Variants in GAPVD1 observed in about 807,000 individuals in gnomAD.
GAPVD1 encodes the protein GTPase activating protein and VPS9 domains 1, also known as GTPase-activating protein and VPS9 domain-containing protein 1.
GAPVD1 carries 35 observed loss-of-function variants against 155.5 expected under a neutral mutation model. That is an observed-to-expected ratio of 0.23 (90% CI 0.17 to 0.30). The LOEUF is 0.30. Ranked by LOEUF, GAPVD1 falls within the 10% of genes least tolerant of loss-of-function variation. The pLI, the probability that GAPVD1 is intolerant of heterozygous loss-of-function variation, is 1.00. For missense variants in GAPVD1, 1,429 were observed against 1,775.7 expected, an observed-to-expected ratio of 0.80 and a Z score of 3.51; for synonymous variants, 636 against 619.7, an observed-to-expected ratio of 1.03 and a Z score of -0.39.
intron 8 of GAPVD1, chr9:125,308,238 TG>T (rs1484215618): frequency 1.1e-5 from 3 of 269,800 alleles, no homozygotes; most frequent in Non-Finnish European, 2.1e-5. Flanking sequence ...CCCTGCTACT[TG>T]GGAGGCTGAG....
intron 17 of GAPVD1, among the ~76,000 whole-genome samples, chr9:125,340,337 A>G (rs1847673878): frequency 6.6e-6 from 1 of 152,214 alleles, no homozygotes; most frequent in Admixed American, 6.5e-5. Flanking sequence ...TCATGTGTTA[A>G]TGATAACTTA....
At position 125,337,509 on chromosome 9, in the gene GAPVD1, C is replaced by T; in HGVS notation, c.2795C>T (p.Ala932Val). ...AATGAAGAGCGAGAACTCCCTCCAGCTGCAGCCATTGGTGCTACTTCTTTG... is the reference window on the plus strand; with the variant it reads ...AATGAAGAGCGAGAACTCCCTCCAGTTGCAGCCATTGGTGCTACTTCTTTG... ...PGNEERELPP[A>V]AAIGATSLVA... The change falls in exon 17 of 28, where the codon GCT becomes GTT. Residue 932 changes from alanine (A) to valine (V), a missense_variant. By Grantham distance (64) the Ala-to-Val change is moderately conservative. Transcript: ENST00000297933. The T allele has an allele frequency of 6.2e-7, 1 of 1,614,106 alleles. No individual in the cohort carries two copies. The highest frequency in any genetic ancestry group is 8.5e-7 in the Non-Finnish European group (1 of 1,179,946).
At chr9:125,272,860 G>T (rs1430996529) in intron 2 of GAPVD1, among the ~76,000 whole-genome samples, 1 of 152,126 alleles carries the variant, frequency 6.6e-6, no homozygotes, top group Non-Finnish European at 1.5e-5. Flanking sequence ...TGGACTCTTG[G>T]ATCTTGAAAC....
intron 2 of GAPVD1, among the ~76,000 whole-genome samples, chr9:125,292,233 C>T (rs905880889): frequency 1.3e-5 from 2 of 152,086 alleles, no homozygotes; most frequent in Admixed American, 6.6e-5. Context: ...GACCCTGTCT[C>T]AGCAAACAAA....
At chr9:125,311,552 C>T (rs1465890208) in intron 8 of GAPVD1, among the ~76,000 whole-genome samples, 1 of 152,046 alleles carries the variant, frequency 6.6e-6, no homozygotes, top group African/African-American at 2.4e-5. Context: ...ACCCAGGAGG[C>T]GGTGATCGCA....
In GAPVD1 at chr9:125,350,793, C is replaced by A; in HGVS notation, c.3490C>A (p.Gln1164Lys). The stretch of plus-strand genomic sequence containing the variant: ...AGATAAGAATCTAATGGCTCAACTT[C>A]AAGAAACAATGCGCTGTGTGTGCCG... ...LQDKNLMAQL[Q>K]ETMRCVCRFD... is the part of the protein sequence containing the mutation. The change falls in exon 23 of 28, where the codon CAA becomes AAA. Residue 1164 changes from glutamine to lysine, a missense_variant. Gln to Lys is a moderately conservative substitution (Grantham distance 53). Coordinates refer to ENST00000297933, the MANE Select transcript of GAPVD1 (RefSeq NM_001282680.3). 1 of 1,611,492 alleles carries A rather than the reference C, an allele frequency of 6.2e-7. No individual in the cohort carries two copies. The highest frequency in any genetic ancestry group is 8.5e-7 in the Non-Finnish European group (1 of 1,177,556).
intron 2 of GAPVD1, among the ~76,000 whole-genome samples, chr9:125,276,345 G>A (rs1041228484): frequency 4.6e-5 from 7 of 152,076 alleles, no homozygotes; most frequent in Non-Finnish European, 7.4e-5. Context: ...ATACTAAAAT[G>A]TCACTTGTTT....
At chr9:125,339,405 C>T (rs539669369) in intron 17 of GAPVD1, among the ~76,000 whole-genome samples, 1 of 152,334 alleles carries the variant, frequency 6.6e-6, no homozygotes, top group East Asian at 1.9e-4. Flanking sequence ...TTTTGATGCA[C>T]TGCTACTATT....
At chr9:125,359,044 A>G (rs1850529822) in intron 25 of GAPVD1, among the ~76,000 whole-genome samples, 1 of 152,088 alleles carries the variant, frequency 6.6e-6, no homozygotes, top group African/African-American at 2.4e-5. Context: ...CATGTAATTA[A>G]TATCTTTGGT....
rs897401668 is a variant in GAPVD1, at chr9:125,366,020, A to G, written c.*3274A>G. The G allele has an allele frequency of 2.0e-5, 3 of 152,226 alleles. No individual in the cohort carries two copies. The highest frequency in any genetic ancestry group is 7.2e-5 in the African/African-American group (3 of 41,456). 9.4% of individuals were successfully genotyped at this position (152,226 alleles called of 1,614,324 possible). A position where few individuals can be genotyped will look rare whatever the true frequency, so the allele number is the denominator to read the frequency against. On this transcript the variant is annotated 3_prime_UTR_variant, in exon 28 of 28. Coordinates refer to ENST00000297933, the MANE Select transcript of GAPVD1 (RefSeq NM_001282680.3). ...TTTTAGGTAAAATCTCAGCCACAGTAATTGCTTTCTTCTGCTTTTTCTTTA... is the reference window on the plus strand; with the variant it reads ...TTTTAGGTAAAATCTCAGCCACAGTGATTGCTTTCTTCTGCTTTTTCTTTA...
chr9:125,281,799 C>T (rs1174071419), intron 2 of GAPVD1, among the ~76,000 whole-genome samples: 1 of 151,508 alleles, frequency 6.6e-6, no homozygotes, highest in Non-Finnish European at 1.5e-5. Context: ...CTATATTACT[C>T]ATAATGCTCT....
At position 125,360,583 on chromosome 9, in the gene GAPVD1, G is replaced by A. The variant is rs760171352; in HGVS notation, c.4100G>A (p.Ser1367Asn). Residue 1367 changes from serine (S) to asparagine (N), a missense_variant, in exon 27 of 28, where the codon AGT becomes AAT. Physicochemically the swap from Ser to Asn is conservative, Grantham distance 46. Around this residue, in one of 4 missense-constraint regions of GAPVD1, gnomAD observed 102 missense variants for 196.5 expected, o/e 0.52. Transcript: ENST00000297933. ...GCACAATCAGAAATCAGGACAATAA[G>A]TGCTTATAAAACCCCCCGGGACAAA... ...PSAQSEIRTI[S>N]AYKTPRDKVQ... 3 of 1,614,064 alleles carry A rather than the reference G, an allele frequency of 1.9e-6. No individual in the cohort carries two copies. The highest frequency in any genetic ancestry group is 2.5e-6 in the Non-Finnish European group (3 of 1,179,948).
rs982316208 is a variant in GAPVD1 at position 125,353,722 on chromosome 9, C to T, written c.3570-932C>T. 5.9e-5 allele frequency among the ~76,000 whole-genome samples: 9 copies of T among 152,108 alleles called. No homozygotes were observed. The South Asian group carries it at 1.2e-3, about 21-fold the overall frequency. On this transcript the variant is annotated intron_variant, in intron 23 of 27. Transcript: ENST00000297933. ...GAAGAGAGCTTGTGCAGGGAAATTC[C>T]GTTTTTTAAAACAATCAGATCTCTT...
rs777191832 is a variant in GAPVD1, at chr9:125,332,036, A to C, written c.2284A>C (p.Thr762Pro). ...CAGGGAGGTCAGTTCCCGCCCCAGC[A>C]CACCAGGCCTCAGTGTTGTGTCCGG... Reference protein sequence around the residue: ...DVREVSSRPSTPGLSVVSGIS... With the variant: ...DVREVSSRPSPPGLSVVSGIS... The change falls in exon 14 of 28, where the codon ACA becomes CCA. Residue 762 changes from threonine to proline, a missense_variant. By Grantham distance (38) the Thr-to-Pro change is conservative (BLOSUM62 -1). Transcript: ENST00000297933. 2 of 1,614,200 alleles carry C rather than the reference A, an allele frequency of 1.2e-6. No individual in the cohort carries two copies. Among genetic ancestry groups the C allele is most frequent in the Non-Finnish European group, 1.7e-6 (2 of 1,180,022 alleles).
chr9:125,300,295 C>T (rs943967467), intron 4 of GAPVD1, among the ~76,000 whole-genome samples: 5 of 149,510 alleles, frequency 3.3e-5, no homozygotes, highest in Non-Finnish European at 5.9e-5. Context: ...GATTCTCCTG[C>T]CTCAGCCTCC....
intron 24 of GAPVD1, among the ~76,000 whole-genome samples, chr9:125,355,117 A>AT (rs990616615): frequency 2.5e-4 from 38 of 151,866 alleles, no homozygotes; most frequent in African/African-American, 8.9e-4. Context: ...AGCCAAACAT[A>AT]TTTTTTTTAG....
intron 2 of GAPVD1, among the ~76,000 whole-genome samples, chr9:125,283,710 C>T (rs1837175127): frequency 6.6e-6 from 1 of 151,874 alleles, no homozygotes; most frequent in East Asian, 1.9e-4. Context: ...ATTTGGGATA[C>T]CATTAATTAG....
intron 14 of GAPVD1, among the ~76,000 whole-genome samples, 194 bp from the exon 15 acceptor site, chr9:125,332,316 G>A (rs967119460): frequency 6.6e-6 from 1 of 152,104 alleles, no homozygotes; most frequent in African/African-American, 2.4e-5. Context: ...AGAATTGTAC[G>A]ATTCTGATTA....
At chr9:125,336,929 C>T (rs553626788) in intron 15 of GAPVD1, 89 bp from the exon 16 acceptor site, 9 of 713,844 alleles carry the variant, frequency 1.3e-5, no homozygotes, top group Non-Finnish European at 2.0e-5. Flanking sequence ...AAAAAGGAAC[C>T]GTCAAAGAAT....
Sources: gnomAD v4.1 joint callset for allele counts (sites outside exome capture counted in the v4.1 genomes callset) on GRCh38, gnomAD v4.1.1 for gene constraint, gnomAD v4.1.1 regional missense constraint, MANE v1.5 for transcripts, NCBI Gene and HGNC (gene_info 2026-07-23, HGNC 2026-07-21) for gene names.